EIF4E: variants seen among roughly 807,000 people sequenced by gnomAD.
The protein encoded by EIF4E is eukaryotic translation initiation factor 4E.
For synonymous variants in EIF4E, 71 were observed against 88.5 expected (o/e 0.80, Z 1.11); for missense variants, 113 against 265.6 (o/e 0.43, Z 3.99).
chr4:98,881,283 C>T (rs1002036762), intron 6 of EIF4E, 141 bp from the exon 7 acceptor site: 1 of 1,415,618 alleles, frequency 7.1e-7, no homozygotes, highest in Non-Finnish European at 9.3e-7. Context: ...ATTATACACC[C>T]TTTTCCTTTC....
At chr4:98,884,610 A>G (rs1175861698) in intron 6 of EIF4E, among the ~76,000 whole-genome samples, 1 of 152,158 alleles carries the variant, frequency 6.6e-6, no homozygotes, top group Non-Finnish European at 1.5e-5. Flanking sequence ...AGGCTGAGAC[A>G]TAACAATCTC....
chr4:98,888,099 G>A, intron 3 of EIF4E, 147 bp from the exon 4 acceptor site: 7 of 699,826 alleles, frequency 1.0e-5, no homozygotes, highest in South Asian at 4.1e-5. Flanking sequence ...TTTCTAAAAT[G>A]GACAAAACAG....
intron 2 of EIF4E, among the ~76,000 whole-genome samples, chr4:98,901,174 C>T (rs1724629195): frequency 6.6e-6 from 1 of 151,168 alleles, no homozygotes; most frequent in Admixed American, 6.6e-5. Flanking sequence ...AAACCACCTT[C>T]TTGGTTTCCA....
intron 2 of EIF4E, among the ~76,000 whole-genome samples, chr4:98,892,312 A>G (rs1266581078): frequency 7.2e-6 from 1 of 139,644 alleles, no homozygotes; most frequent in Non-Finnish European, 1.5e-5. Context: ...CAAGAGCGAA[A>G]TTCCATCTCA....
intron 1 of EIF4E, among the ~76,000 whole-genome samples, chr4:98,914,300 T>C (rs1014116818): frequency 1.7e-4 from 22 of 131,926 alleles, no homozygotes; most frequent in Non-Finnish European, 2.7e-4. Flanking sequence ...AGGTTGCAGG[T>C]TGCAGTGACC....
At chr4:98,909,681 G>C (rs1366696548) in intron 1 of EIF4E, 1 of 710,780 alleles carries the variant, frequency 1.4e-6, no homozygotes, top group Admixed American at 2.0e-5. Flanking sequence ...TTATCACCTG[G>C]GATTCTCGCA....
At chr4:98,894,263 G>C (rs535968778) in intron 2 of EIF4E, among the ~76,000 whole-genome samples, 4 of 152,306 alleles carry the variant, frequency 2.6e-5, no homozygotes, top group East Asian at 3.9e-4. Context: ...TAAAGTCATT[G>C]GCTGCAAGAT....
chr4:98,928,184 G>A (rs1419373701), intron 1 of EIF4E, among the ~76,000 whole-genome samples: 2 of 152,194 alleles, frequency 1.3e-5, no homozygotes, highest in Admixed American at 6.5e-5. Context: ...GCACTACGCG[G>A]AAAGGATGAA....
chr4:98,895,949 G>A (rs1463208084), intron 2 of EIF4E, among the ~76,000 whole-genome samples: 16 of 152,068 alleles, frequency 1.1e-4, no homozygotes, highest in African/African-American at 3.4e-4. Flanking sequence ...CGTAATCCCA[G>A]CACTTTGGGA....
intron 1 of EIF4E, among the ~76,000 whole-genome samples, chr4:98,914,677 T>A (rs565348533): frequency 3.3e-5 from 5 of 152,112 alleles, no homozygotes; most frequent in African/African-American, 9.7e-5. Flanking sequence ...GTAAAATTAT[T>A]CTGCACGATA....
intron 1 of EIF4E, among the ~76,000 whole-genome samples, chr4:98,928,324 G>A (rs906061619): frequency 1.3e-5 from 2 of 152,076 alleles, no homozygotes; most frequent in African/African-American, 2.4e-5. Context: ...ATGGAGGGGC[G>A]AGGACAATGT....
At chr4:98,902,074 A>ATTT in intron 1 of EIF4E, 92 bp from the exon 2 acceptor site, 3 of 1,032,412 alleles carry the variant, frequency 2.9e-6, no homozygotes, top group Non-Finnish European at 4.1e-6. Context: ...TATGCTGATA[A>ATTT]TTTTTTTTTT....
chr4:98,911,680 AAAAAAAG>A (rs1725145514), intron 1 of EIF4E, among the ~76,000 whole-genome samples: 1 of 150,070 alleles, frequency 6.7e-6, no homozygotes, highest in African/African-American at 2.5e-5. Flanking sequence ...AAAAAAAAAA[AAAAAAAG>A]AAGACTTGTG....
At chr4:98,884,792 A>C in intron 6 of EIF4E, 130 bp downstream of exon 6, 1 of 1,262,672 alleles carries the variant, frequency 7.9e-7, no homozygotes, top group African/African-American at 1.5e-5. Flanking sequence ...AAATTATAAA[A>C]GTGTTCACGA....
At chr4:98,893,379 T>C (rs113027181) in intron 2 of EIF4E, among the ~76,000 whole-genome samples, 4,836 of 152,280 alleles carry the variant, frequency 0.032, 111 homozygotes, top group African/African-American at 0.063. Context: ...CTCTGTAGCA[T>C]GCAATGCTGT....
intron 1 of EIF4E, among the ~76,000 whole-genome samples, chr4:98,917,912 C>T (rs1283248199): frequency 6.6e-6 from 1 of 151,684 alleles, no homozygotes; most frequent in Non-Finnish European, 1.5e-5. Flanking sequence ...TCCGTTTTTA[C>T]TAAAAATACA....
Position 98,887,001 on chromosome 4 carries a change from A to C in EIF4E, c.399+78T>G. ...CATCCTTCTCTTAAATTAAGTAACA[A>C]ATGTAAAACATAACATATCTTAAGT... On this transcript the variant is annotated intron_variant, in intron 5 of 6. Transcript: ENST00000450253. The surrounding 1 kb of genome is among the most constrained non-coding windows in gnomAD (Gnocchi z 4.0). The C allele has an allele frequency of 7.0e-7, 1 of 1,430,742 alleles. No individual in the cohort carries two copies. The highest frequency in any genetic ancestry group is 2.3e-5 in the East Asian group (1 of 43,660). The allele number at this position is 1,430,742 out of a possible 1,614,324, so 88.6% of individuals were successfully genotyped here.
intron 1 of EIF4E, chr4:98,910,081 A>G (rs952253364): frequency 4.0e-6 from 1 of 248,130 alleles, no homozygotes; most frequent in Non-Finnish European, 7.6e-6. Context: ...TCAGGCTATT[A>G]AACTGTTTTG....
At chr4:98,892,681 CAAAAA>C (rs72248242) in intron 2 of EIF4E, among the ~76,000 whole-genome samples, 4 of 114,130 alleles carry the variant, frequency 3.5e-5, no homozygotes, top group Admixed American at 9.1e-5. Context: ...AACTCTGTCT[CAAAAA>C]AAAAAAAAAA....
Sources: gnomAD v4.1 joint callset for allele counts (sites outside exome capture counted in the v4.1 genomes callset) on GRCh38, gnomAD v4.1.1 for gene constraint, Gnocchi (gnomAD v3.1) non-coding constraint, MANE v1.5 for transcripts, NCBI Gene and HGNC (gene_info 2026-07-23, HGNC 2026-07-21) for gene names.